Variants in VDR observed in about 807,000 individuals in gnomAD.
The protein encoded by VDR is vitamin D receptor.
Under a neutral mutation model 39.7 loss-of-function variants are expected in VDR, and 19 were observed. The ratio of observed to expected loss-of-function variants is 0.48; its 90% confidence interval spans 0.33 to 0.70. VDR has a LOEUF of 0.70. Among genes scored for constraint, VDR ranks in the 30% least tolerant of loss-of-function variants. The pLI is 0.02. For missense variants in VDR, 442 were observed against 570.5 expected, an observed-to-expected ratio of 0.77 and a Z score of 2.29; for synonymous variants, 242 against 215.8, an observed-to-expected ratio of 1.12 and a Z score of -1.07.
chr12:47,904,102 A>AGAGGAGGAG (rs11574014), intron 1 of VDR, among the ~76,000 whole-genome samples: 1 of 148,532 alleles, frequency 6.7e-6, no homozygotes, highest in Admixed American at 6.7e-5. Flanking sequence ...AGGAGGAACA[A>AGAGGAGGAG]GAGGAGGAGG....
chr12:47,850,220 T>C (rs1203344260), intron 7 of VDR, among the ~76,000 whole-genome samples: 1 of 152,206 alleles, frequency 6.6e-6, no homozygotes, highest in Non-Finnish European at 1.5e-5. Context: ...GGAGTATACA[T>C]TTAACATACT....
chr12:47,865,084 C>A lies in VDR; in HGVS notation c.240G>T (p.Arg80=), dbSNP rs1945700900. 2 of 1,613,912 alleles carry A rather than the reference C, an allele frequency of 1.2e-6. No homozygotes were observed. Among genetic ancestry groups the A allele is most frequent in the Non-Finnish European group, 8.5e-7 (1 of 1,179,784 alleles). Residue 80 remains arginine (R), a synonymous_variant, in exon 4 of 10, where the codon CGG becomes CGT. Transcript: ENST00000549336. ...TGCCGATGTCCACACAGCGTTTGAG[C>A]CGGCAGGCCTGGCAGTGGCGTCGGT... ...KDNRRHCQAC[R]LKRCVDIGMM...
chr12:47,898,101 A>G (rs1409143469), intron 1 of VDR, among the ~76,000 whole-genome samples: 1 of 152,178 alleles, frequency 6.6e-6, no homozygotes, highest in Non-Finnish European at 1.5e-5. Context: ...GAACCGTGGG[A>G]TCCCTCAAGC....
intron 4 of VDR, among the ~76,000 whole-genome samples, chr12:47,864,495 C>T (rs898050432): frequency 6.6e-6 from 1 of 152,208 alleles, no homozygotes; most frequent in African/African-American, 2.4e-5. Flanking sequence ...GGCACAAGCC[C>T]TCAGATCTGC....
At chr12:47,864,735 G>A (rs1019089616) in intron 4 of VDR, among the ~76,000 whole-genome samples, 2 of 152,222 alleles carry the variant, frequency 1.3e-5, no homozygotes, top group Non-Finnish European at 2.9e-5. Context: ...TGACCCAGGA[G>A]TAGAAGGGAC....
intron 1 of VDR, among the ~76,000 whole-genome samples, chr12:47,890,698 G>A (rs549619635): frequency 2.0e-5 from 3 of 152,300 alleles, no homozygotes; most frequent in Admixed American, 2.0e-4. Flanking sequence ...TCTTGGATAA[G>A]GGGAGCTTTC....
intron 3 of VDR, 173 bp downstream of exon 3, chr12:47,878,795 G>A (rs576122424): frequency 3.0e-6 from 3 of 1,007,130 alleles, no homozygotes; most frequent in Non-Finnish European, 4.5e-6. Flanking sequence ...CTGAGAGGAG[G>A]GAAAAGAAGA....
chr12:47,864,298 A>C (rs371988712), intron 4 of VDR, among the ~76,000 whole-genome samples: 5 of 152,366 alleles, frequency 3.3e-5, no homozygotes, highest in East Asian at 1.9e-4. Flanking sequence ...GCTCTGATGC[A>C]AAGTTCAAGT....
chr12:47,886,736 C>G (rs1462447199), intron 1 of VDR, among the ~76,000 whole-genome samples: 3 of 152,254 alleles, frequency 2.0e-5, no homozygotes, highest in African/African-American at 7.2e-5. Flanking sequence ...GTCCAATCAT[C>G]TTAAATTTCT....
intron 7 of VDR, among the ~76,000 whole-genome samples, chr12:47,851,335 G>A (rs1945383965): frequency 6.6e-6 from 1 of 152,112 alleles, no homozygotes. Flanking sequence ...TTTGTGGGGT[G>A]AGACTGAGAG....
At chr12:47,851,276 A>C (rs1945382572) in intron 7 of VDR, among the ~76,000 whole-genome samples, 1 of 152,098 alleles carries the variant, frequency 6.6e-6, no homozygotes, top group African/African-American at 2.4e-5. Context: ...GCTGCTGCTG[A>C]TGCCACCTCC....
rs1195348427 is a variant in VDR, at chr12:47,842,207, A to C, written c.*2539T>G. ...GCTGAGGTGGAGAGCCCAGCAGGCC[A>C]GGGCCACATCGTGGTGGGGTAGGGT... On this transcript the variant is annotated 3_prime_UTR_variant, in exon 10 of 10. Coordinates refer to ENST00000549336, the MANE Select transcript of VDR (RefSeq NM_000376.3). The C allele has an allele frequency of 6.6e-6, 1 of 152,580 alleles. No homozygotes were observed. Among genetic ancestry groups the C allele is most frequent in the African/African-American group, 2.4e-5 (1 of 41,472 alleles). The allele number at this position is 152,580 out of a possible 1,614,324, so 9.5% of individuals were successfully genotyped here.
chr12:47,887,072 G>A (rs1946269200), intron 1 of VDR, among the ~76,000 whole-genome samples: 1 of 152,122 alleles, frequency 6.6e-6, no homozygotes, highest in Admixed American at 6.5e-5. Context: ...AGCACTTCGG[G>A]AGGCCAAAGT....
chr12:47,859,572 C>G (rs971832409), intron 4 of VDR, among the ~76,000 whole-genome samples: 3 of 152,190 alleles, frequency 2.0e-5, no homozygotes, highest in African/African-American at 7.2e-5. Context: ...CATCTTTTTC[C>G]ATGAAGCATT....
chr12:47,860,601 A>G (rs906187447), intron 4 of VDR, among the ~76,000 whole-genome samples: 2 of 152,212 alleles, frequency 1.3e-5, no homozygotes, highest in African/African-American at 4.8e-5. Flanking sequence ...ATTCAGAGGT[A>G]TCATTCTGAA....
rs770982488 is a variant in VDR at position 47,878,985 on chromosome 12, G to T, written c.129C>A (p.Gly43=). The change falls in exon 3 of 10, where the codon GGC becomes GGA. Residue 43 remains glycine (G), a synonymous_variant. Transcript: ENST00000549336. ...GGGCTCACCTGAAGAAGCCTTTGCA[G>T]CCTTCACAGGTCATAGCATTGAAGT... ...GFHFNAMTCE[G]CKGFFRRSMK... The T allele has an allele frequency of 1.2e-6, 2 of 1,614,230 alleles. No individual in the cohort carries two copies. The highest frequency in any genetic ancestry group is 2.2e-5 in the South Asian group (2 of 91,090).
intron 4 of VDR, among the ~76,000 whole-genome samples, chr12:47,864,074 C>G (rs1463985445): frequency 6.6e-6 from 1 of 152,206 alleles, no homozygotes; most frequent in Non-Finnish European, 1.5e-5. Flanking sequence ...CTCAGACCCA[C>G]AGCTAGGAGG....
chr12:47,848,169 T>C (rs1369948038), intron 7 of VDR, among the ~76,000 whole-genome samples: 1 of 152,152 alleles, frequency 6.6e-6, no homozygotes, highest in Non-Finnish European at 1.5e-5. Flanking sequence ...CCCAAAGTGC[T>C]GGGATTACAG....
At chr12:47,859,140 C>T (rs1338021616) in intron 4 of VDR, among the ~76,000 whole-genome samples, 4 of 152,176 alleles carry the variant, frequency 2.6e-5, no homozygotes, top group African/African-American at 9.7e-5. Context: ...GGTAAGCCCT[C>T]GCTTGGGGAG....
Sources: allele counts gnomAD v4.1 joint callset (sites outside exome capture counted in the v4.1 genomes callset), GRCh38; gene constraint gnomAD v4.1.1; transcripts MANE v1.5; gene names NCBI Gene and HGNC (gene_info 2026-07-23, HGNC 2026-07-21).